The following OVCH1 variants were observed in gnomAD, a reference collection of about 807,000 sequenced individuals.
The protein encoded by OVCH1 is ovochymase 1.
Under a neutral mutation model 138.4 loss-of-function variants are expected in OVCH1, and 139 were observed. That is an observed-to-expected ratio of 1.00 (90% CI 0.87 to 1.16). The LOEUF (loss-of-function observed/expected upper bound fraction) is 1.16. Among genes scored for constraint, OVCH1 ranks in the 50% most tolerant of loss-of-function variants. The pLI is 0.00. For synonymous variants in OVCH1, 453 were observed against 467.8 expected, an observed-to-expected ratio of 0.97 and a Z score of 0.41; for missense variants, 1,367 against 1,357.9, an observed-to-expected ratio of 1.01 and a Z score of -0.11.
chr12:29,427,056 C>G (rs1941191653), downstream of OVCH1, among the ~76,000 whole-genome samples: 1 of 152,158 alleles, frequency 6.6e-6, no homozygotes, highest in Non-Finnish European at 1.5e-5. Context: ...TTATGATGAC[C>G]TCCTATTGAA....
At chr12:29,405,728 A>G in the OVCH1 span, among the ~76,000 whole-genome samples, 2 of 152,252 alleles carry the variant, frequency 1.3e-5, no homozygotes, top group East Asian at 3.8e-4. Context: ...AGAAGGAAAA[A>G]GTTTAGAACC....
intron 4 of OVCH1, among the ~76,000 whole-genome samples, chr12:29,494,125 C>T (rs77326791): frequency 3.3e-5 from 5 of 152,242 alleles, no homozygotes; most frequent in African/African-American, 1.2e-4. Context: ...AAGTAAGTGT[C>T]CTTATTCCCT....
intron 8 of OVCH1, among the ~76,000 whole-genome samples, chr12:29,481,556 C>T (rs1453236565): frequency 1.3e-5 from 2 of 152,152 alleles, no homozygotes; most frequent in African/African-American, 2.4e-5. Context: ...CTTCAACTTT[C>T]CTACAGATTA....
At chr12:29,477,393 G>C in exon 11 of OVCH1, 1 of 1,613,980 alleles carries the variant, frequency 6.2e-7, no homozygotes, top group South Asian at 1.1e-5. Context: ...CACTGCCACT[G>C]TCTTCTGTAT....
intron 4 of OVCH1, among the ~76,000 whole-genome samples, chr12:29,493,370 G>T (rs1485223516): frequency 6.6e-6 from 1 of 152,050 alleles, no homozygotes; most frequent in Non-Finnish European, 1.5e-5. Context: ...CACATGTCTA[G>T]ATATATAATT....
chr12:29,459,702 A>G (rs1009650059), intron 19 of OVCH1, among the ~76,000 whole-genome samples: 1 of 152,148 alleles, frequency 6.6e-6, no homozygotes, highest in Non-Finnish European at 1.5e-5. Context: ...CCCTGATGTG[A>G]TTATTCCTTG....
chr12:29,483,929 T>C (rs1943014220), intron 8 of OVCH1, among the ~76,000 whole-genome samples: 1 of 152,238 alleles, frequency 6.6e-6, no homozygotes, highest in African/African-American at 2.4e-5. Context: ...AATTAGTCTC[T>C]ATCTTTTATA....
chr12:29,492,301 T>C (rs1943293615), intron 4 of OVCH1, among the ~76,000 whole-genome samples: 1 of 147,952 alleles, frequency 6.8e-6, no homozygotes, highest in Admixed American at 6.8e-5. Flanking sequence ...GAGGCCAGGA[T>C]GACTGGAGCA....
At chr12:29,487,794 C>G (rs771926373) in exon 7 of OVCH1, 2 of 1,605,592 alleles carry the variant, frequency 1.2e-6, no homozygotes, top group Non-Finnish European at 1.7e-6. Flanking sequence ...AACTGAACCT[C>G]CAGCACAACC....
In OVCH1 at chr12:29,415,613, T is replaced by A. The variant is rs74433840; in HGVS notation, c.*72-2888A>T. The stretch of plus-strand genomic sequence containing the variant: ...TACACTTAGCAAAACAGGTACAAGA[T>A]CTGTATGCTGAAAATTGCAAAATTC... On this transcript the variant is annotated intron_variant and NMD_transcript_variant, in intron 3 of 4. Transcript: ENST00000539117. Among the ~76,000 whole-genome samples the A allele has an allele frequency of 1.8e-4, 27 of 152,174 alleles. No individual in the cohort carries two copies. The East Asian group carries it at 5.2e-3, about 29-fold the overall frequency.
At chr12:29,476,264 T>G in exon 13 of OVCH1, 3 of 1,613,684 alleles carry the variant, frequency 1.9e-6, no homozygotes, top group Non-Finnish European at 2.5e-6. Flanking sequence ...AAATACAGTT[T>G]GGACTAAATT....
chr12:29,438,894 C>G (rs1014359890), intron 26 of OVCH1, among the ~76,000 whole-genome samples: 2 of 152,132 alleles, frequency 1.3e-5, no homozygotes, highest in South Asian at 2.1e-4. Context: ...AAATGTTCAT[C>G]AAATAATCTG....
At chr12:29,440,690 C>G in intron 25 of OVCH1, 1 of 455,548 alleles carries the variant, frequency 2.2e-6, no homozygotes. Flanking sequence ...CTGTGGTCTT[C>G]TTGGTGCTGA....
intron 9 of OVCH1, among the ~76,000 whole-genome samples, chr12:29,477,951 T>C (rs1942799274): frequency 6.6e-6 from 1 of 152,210 alleles, no homozygotes; most frequent in Non-Finnish European, 1.5e-5. Context: ...ATAATTACTG[T>C]GTAAATAGCA....
chr12:29,431,272 CAA>C (rs1200872290), intron 27 of OVCH1, among the ~76,000 whole-genome samples: 1 of 151,002 alleles, frequency 6.6e-6, no homozygotes, highest in Admixed American at 6.6e-5. Flanking sequence ...TCGTCTCTAC[CAA>C]AAAAAACAAA....
chr12:29,478,528 A>G (rs1942818673), intron 9 of OVCH1, among the ~76,000 whole-genome samples: 1 of 152,200 alleles, frequency 6.6e-6, no homozygotes, highest in African/African-American at 2.4e-5. Context: ...CCTAACTTAG[A>G]AAAACACTGA....
intron 3 of OVCH1, among the ~76,000 whole-genome samples, chr12:29,413,669 T>C (rs10843415): frequency 0.54 from 81,830 of 150,814 alleles, 24,911 homozygotes; most frequent in Middle Eastern, 0.77. Flanking sequence ...ATTACACACA[T>C]ACACACACAC....
At chr12:29,444,758 T>C (rs1434645018) in intron 23 of OVCH1, among the ~76,000 whole-genome samples, 1 of 152,070 alleles carries the variant, frequency 6.6e-6, no homozygotes, top group East Asian at 1.9e-4. Context: ...AAAATCTCAC[T>C]AATTACATAT....
intron 4 of OVCH1, among the ~76,000 whole-genome samples, chr12:29,493,878 G>A (rs576689495): frequency 1.3e-5 from 2 of 152,108 alleles, no homozygotes; most frequent in African/African-American, 4.8e-5. Context: ...TTCTGTGCTC[G>A]AATTCATTAA....
Sources: gnomAD v4.1 joint callset for allele counts (sites outside exome capture counted in the v4.1 genomes callset) on GRCh38, gnomAD v4.1.1 for gene constraint, MANE v1.5 for transcripts, NCBI Gene and HGNC (gene_info 2026-07-23, HGNC 2026-07-21) for gene names.